The following GRIA1 variants were observed in gnomAD, a reference collection of about 807,000 sequenced individuals.
GRIA1 encodes the protein glutamate ionotropic receptor AMPA type subunit 1.
GRIA1 carries 31 observed loss-of-function variants against 99.2 expected under a neutral mutation model. The ratio of observed to expected loss-of-function variants is 0.31; its 90% confidence interval spans 0.23 to 0.42. The LOEUF is 0.42. GRIA1 is among the 10% of genes least tolerant of loss of function. The pLI is 1.00. For synonymous variants in GRIA1, 438 were observed against 432.4 expected (o/e 1.01, Z -0.16); for missense variants, 782 against 1,157.5 (o/e 0.68, Z 4.71).
intron 2 of GRIA1, among the ~76,000 whole-genome samples, chr5:153,519,087 A>T (rs1756894068): frequency 6.6e-6 from 1 of 151,972 alleles, no homozygotes; most frequent in African/African-American, 2.4e-5. Flanking sequence ...ACACCGTGAA[A>T]CCCCGTCTCT....
At chr5:153,629,968 AT>A (rs1294172778) in intron 2 of GRIA1, among the ~76,000 whole-genome samples, 1 of 152,186 alleles carries the variant, frequency 6.6e-6, no homozygotes, top group Non-Finnish European at 1.5e-5. Context: ...TGGTATTATA[AT>A]AGACATGTTG....
chr5:153,660,455 C>G (rs1755284335), intron 5 of GRIA1, among the ~76,000 whole-genome samples: 1 of 152,154 alleles, frequency 6.6e-6, no homozygotes, highest in African/African-American at 2.4e-5. Context: ...CTGCACTTCT[C>G]CTCAAGGGCC....
At chr5:153,742,076 G>A (rs932654192) in intron 11 of GRIA1, among the ~76,000 whole-genome samples, 1 of 152,000 alleles carries the variant, frequency 6.6e-6, no homozygotes, top group African/African-American at 2.4e-5. Flanking sequence ...ACAACCTAAA[G>A]TTTAAGTAAA....
chr5:153,580,000 C>T (rs1762909593), intron 2 of GRIA1, among the ~76,000 whole-genome samples: 1 of 152,208 alleles, frequency 6.6e-6, no homozygotes, highest in Non-Finnish European at 1.5e-5. Context: ...GCCCTCTTCC[C>T]TCATGTCACA....
chr5:153,571,045 C>T (rs1322449265), intron 2 of GRIA1, among the ~76,000 whole-genome samples: 3 of 152,200 alleles, frequency 2.0e-5, no homozygotes, highest in South Asian at 2.1e-4. Flanking sequence ...TTTACTCCAG[C>T]GATTCTCAAC....
At chr5:153,657,320 A>G (rs1038325947) in intron 5 of GRIA1, among the ~76,000 whole-genome samples, 31 of 152,218 alleles carry the variant, frequency 2.0e-4, no homozygotes, top group African/African-American at 7.5e-4. Context: ...AAATTTTTCC[A>G]TGTGACAGTT....
chr5:153,661,161 C>T (rs1335649592), intron 5 of GRIA1, among the ~76,000 whole-genome samples: 2 of 152,176 alleles, frequency 1.3e-5, no homozygotes, highest in Non-Finnish European at 1.5e-5. Flanking sequence ...AAGCTGAGCT[C>T]ATCCACTTTC....
intron 2 of GRIA1, among the ~76,000 whole-genome samples, chr5:153,641,639 C>T (rs1490127683): frequency 6.6e-6 from 1 of 152,204 alleles, no homozygotes; most frequent in Non-Finnish European, 1.5e-5. Flanking sequence ...CTCTCTATCT[C>T]TGCCAGGCCT....
At chr5:153,492,348 T>C in intron 1 of GRIA1, 1 of 1,500,404 alleles carries the variant, frequency 6.7e-7, no homozygotes, top group Non-Finnish European at 8.9e-7. Flanking sequence ...ACGCAAAACT[T>C]CCTGCCTTCA....
chr5:153,763,600 A>G (rs1233720970), intron 11 of GRIA1, among the ~76,000 whole-genome samples: 8 of 152,332 alleles, frequency 5.3e-5, no homozygotes, highest in African/African-American at 1.9e-4. Context: ...ACCACAAGTC[A>G]CATGCAAATC....
At chr5:153,770,742 C>A (rs1310021817) in intron 13 of GRIA1, among the ~76,000 whole-genome samples, 2 of 152,174 alleles carry the variant, frequency 1.3e-5, no homozygotes, top group East Asian at 3.9e-4. Context: ...TTACCAGACA[C>A]CCCTGCATCC....
At chr5:153,507,814 A>G (rs1050487261) in intron 2 of GRIA1, among the ~76,000 whole-genome samples, 2 of 152,350 alleles carry the variant, frequency 1.3e-5, no homozygotes, top group Middle Eastern at 3.4e-3. Context: ...GAGTCTCTCC[A>G]TAATGGGTCT....
intron 15 of GRIA1, among the ~76,000 whole-genome samples, chr5:153,810,099 AT>A (rs1325204827): frequency 7.2e-5 from 11 of 152,202 alleles, no homozygotes; most frequent in Non-Finnish European, 1.0e-4. Context: ...CTAAGACGAT[AT>A]GGTTCTAGAC....
At chr5:153,523,401 A>G (rs1314212357) in intron 2 of GRIA1, among the ~76,000 whole-genome samples, 1 of 151,892 alleles carries the variant, frequency 6.6e-6, no homozygotes, top group African/African-American at 2.4e-5. Flanking sequence ...AAGAAGCCTC[A>G]TTTTTCACCA....
At chr5:153,708,105 C>T (rs1759047359) in intron 11 of GRIA1, among the ~76,000 whole-genome samples, 2 of 152,142 alleles carry the variant, frequency 1.3e-5, no homozygotes, top group Non-Finnish European at 2.9e-5. Flanking sequence ...GCTGTGATCT[C>T]AGGGTGTGTT....
intron 7 of GRIA1, among the ~76,000 whole-genome samples, chr5:153,685,348 T>C (rs905739640): frequency 6.6e-6 from 1 of 152,206 alleles, no homozygotes; most frequent in Non-Finnish European, 1.5e-5. Flanking sequence ...ATCTTGGATC[T>C]CCATGGTCAC....
intron 2 of GRIA1, among the ~76,000 whole-genome samples, chr5:153,603,953 A>G (rs1018147409): frequency 6.6e-6 from 1 of 152,238 alleles, no homozygotes; most frequent in Non-Finnish European, 1.5e-5. Context: ...TACTATTACT[A>G]TACATATACA....
intron 7 of GRIA1, among the ~76,000 whole-genome samples, chr5:153,677,988 C>T (rs12189362): frequency 0.11 from 16,760 of 152,136 alleles, 1,015 homozygotes; most frequent in South Asian, 0.22. Flanking sequence ...GCTGTATTTC[C>T]GAAGGGACAG....
chr5:153,656,383 TTATATATATATATATATA>T (rs60245651), intron 5 of GRIA1, among the ~76,000 whole-genome samples: 4 of 92,682 alleles, frequency 4.3e-5, no homozygotes, highest in South Asian at 3.4e-4. Context: ...ATAAGTTTGT[TTATATATATATATATATA>T]TATATATATA....
Sources: gnomAD v4.1 joint callset for allele counts (sites outside exome capture counted in the v4.1 genomes callset) on GRCh38, gnomAD v4.1.1 for gene constraint, MANE v1.5 for transcripts, NCBI Gene and HGNC (gene_info 2026-07-23, HGNC 2026-07-21) for gene names.